Variants in HDX observed in about 807,000 individuals in gnomAD.
HDX encodes highly divergent homeobox, also known as chromosome X open reading frame 43.
A neutral mutation model predicts 45.2 loss-of-function variants in HDX; 19 were observed. The ratio of observed to expected loss-of-function variants is 0.42; its 90% CI spans 0.29 to 0.62. The LOEUF (loss-of-function observed/expected upper bound fraction) is 0.62. HDX is among the 20% of genes least tolerant of loss of function. The probability of loss-of-function intolerance (pLI) is 0.20; values close to 1 mark genes in which losing one functional copy is unlikely to be tolerated. For synonymous variants in HDX, 188 were observed against 172.8 expected, an observed-to-expected ratio of 1.09 and a Z score of -0.69; for missense variants, 532 against 493.9, an observed-to-expected ratio of 1.08 and a Z score of -0.73.
At chrX:84,438,708 T>G (rs962800912) in intron 5 of HDX, among the ~76,000 whole-genome samples, 1 of 111,442 alleles carries the variant, frequency 9.0e-6, no homozygotes, top group African/African-American at 3.3e-5. Context: ...TCTATGTTGC[T>G]GCAAAGGACA....
chrX:84,368,909 AGT>A (rs1306067120), intron 5 of HDX, among the ~76,000 whole-genome samples: 2 of 110,887 alleles, frequency 1.8e-5, no homozygotes, highest in Admixed American at 9.7e-5. Context: ...TTGCATGCAC[AGT>A]TCACAATAGG....
At chrX:84,482,684 G>A (rs1166349706) in intron 2 of HDX, among the ~76,000 whole-genome samples, 2 of 110,773 alleles carry the variant, frequency 1.8e-5, no homozygotes, top group African/African-American at 3.3e-5. Context: ...ATATTATTCC[G>A]TCTCTGGCCC....
intron 2 of HDX, among the ~76,000 whole-genome samples, chrX:84,475,820 C>A (rs1161201729): frequency 2.7e-5 from 3 of 111,358 alleles, no homozygotes; most frequent in Non-Finnish European, 5.7e-5. Flanking sequence ...TGGCATATGT[C>A]TTATAGCCAG....
At chrX:84,425,391 ATGGAG>A (rs1326375463) in intron 5 of HDX, among the ~76,000 whole-genome samples, 9 of 111,740 alleles carry the variant, frequency 8.1e-5, no homozygotes, top group Non-Finnish European at 1.5e-4. Context: ...TACAACCACT[ATGGAG>A]AACAGTTTGG....
intron 5 of HDX, among the ~76,000 whole-genome samples, chrX:84,430,022 T>C (rs1023276546): frequency 3.2e-5 from 3 of 95,000 alleles, no homozygotes; most frequent in African/African-American, 7.0e-5. Context: ...CTTATTTGTT[T>C]TGGGAACATT....
At chrX:84,444,976 C>T (rs896223123) in intron 4 of HDX, among the ~76,000 whole-genome samples, 19 of 111,392 alleles carry the variant, frequency 1.7e-4, no homozygotes, top group Admixed American at 3.8e-4. Context: ...CATATGAATC[C>T]GCTTTAATGT....
chrX:84,411,937 T>A (rs181721110), intron 5 of HDX, among the ~76,000 whole-genome samples: 28 of 111,859 alleles, frequency 2.5e-4, no homozygotes, highest in African/African-American at 8.1e-4. Context: ...TGTATTTTTT[T>A]ATCATTTTTG....
At chrX:84,362,584 C>T (rs781177033) in intron 5 of HDX, among the ~76,000 whole-genome samples, 22 of 108,556 alleles carry the variant, frequency 2.0e-4, no homozygotes, top group African/African-American at 7.0e-4. Flanking sequence ...ATGAGAGAGA[C>T]AGAGAGAGAG....
intron 4 of HDX, 55 bp from the exon 5 acceptor site, chrX:84,440,640 T>A: frequency 1.3e-6 from 1 of 761,209 alleles, no homozygotes; most frequent in Non-Finnish European, 2.0e-6. Flanking sequence ...GTACTTGGAA[T>A]GTTGATCAAC....
chrX:84,439,560 C>G (rs1466167254), intron 5 of HDX, among the ~76,000 whole-genome samples: 3 of 111,029 alleles, frequency 2.7e-5, no homozygotes, highest in Non-Finnish European at 5.7e-5. Context: ...ATATTTAATC[C>G]ATCTTGAGTT....
chrX:84,376,652 C>T (rs891728010), intron 5 of HDX, among the ~76,000 whole-genome samples: 1 of 112,258 alleles, frequency 8.9e-6, no homozygotes, highest in Admixed American at 9.4e-5. Context: ...GGATGAGGCT[C>T]TTTTGCCTTT....
chrX:84,480,532 A>G (rs1427404806), intron 2 of HDX, among the ~76,000 whole-genome samples: 1 of 111,370 alleles, frequency 9.0e-6, no homozygotes, highest in Non-Finnish European at 1.9e-5. Flanking sequence ...TATGTTTATT[A>G]AACTGAGTTC....
At chrX:84,397,584 C>T (rs182478324) in intron 5 of HDX, among the ~76,000 whole-genome samples, 36 of 111,397 alleles carry the variant, frequency 3.2e-4, no homozygotes, top group African/African-American at 1.1e-3. Context: ...CCAGGCAGAA[C>T]CCAGCTGAGG....
At position 84,360,459 on chromosome X, in the gene HDX, C is replaced by A. The variant is rs2037594043; in HGVS notation, c.1452+1007G>T. Among the ~76,000 whole-genome samples, 3 of 111,610 alleles carry A rather than the reference C, an allele frequency of 2.7e-5. No homozygotes were observed. In the South Asian group the frequency reaches 1.1e-3, roughly 41 times the overall value. On this transcript the variant is annotated intron_variant, in intron 6 of 10. Transcript: ENST00000373177. ...ACACAATTCATTTATTTAATATGTA[C>A]AATTAAAATGTTTTCAACATATTCA...
chrX:84,372,903 C>T (rs749197189), intron 5 of HDX, among the ~76,000 whole-genome samples: 25 of 111,536 alleles, frequency 2.2e-4, no homozygotes, highest in Middle Eastern at 9.2e-3. Context: ...ACCCCTAAAT[C>T]TCCTCAGGTG....
At chrX:84,351,444 C>T (rs1402763847) in intron 6 of HDX, among the ~76,000 whole-genome samples, 1 of 110,942 alleles carries the variant, frequency 9.0e-6, no homozygotes, top group Non-Finnish European at 1.9e-5. Flanking sequence ...AGTCTTGGTC[C>T]TCCATTTGGC....
chrX:84,440,676 A>G, intron 4 of HDX, 91 bp from the exon 5 acceptor site: 2 of 553,502 alleles, frequency 3.6e-6, no homozygotes, highest in Non-Finnish European at 6.1e-6. Flanking sequence ...CACTATTTCA[A>G]GATAAATCTG....
chrX:84,333,097 A>T (rs1329071269), intron 9 of HDX, among the ~76,000 whole-genome samples: 1 of 111,774 alleles, frequency 8.9e-6, no homozygotes, highest in African/African-American at 3.2e-5. Context: ...AAAATTTCAG[A>T]AGTTCCCAAA....
chrX:84,488,191 A>G (rs1306558062), intron 1 of HDX, 59 bp from the exon 2 acceptor site: 1 of 111,248 alleles, frequency 9.0e-6, no homozygotes, highest in African/African-American at 3.3e-5. Flanking sequence ...CAGAATCGGA[A>G]GTCTAGCACT....
Sources: allele counts gnomAD v4.1 joint callset (sites outside exome capture counted in the v4.1 genomes callset), GRCh38; gene constraint gnomAD v4.1.1; transcripts MANE v1.5; gene names NCBI Gene and HGNC (gene_info 2026-07-23, HGNC 2026-07-21).